Variants in TSHR observed in about 807,000 individuals in gnomAD.
The protein encoded by TSHR is thyrotropin receptor.
A neutral mutation model predicts 64.1 loss-of-function variants in TSHR; 51 were observed. That is an observed-to-expected ratio of 0.80 (90% CI 0.64 to 1.01). The LOEUF (loss-of-function observed/expected upper bound fraction) is 1.01, where lower values mean the gene tolerates loss of function less well. TSHR is among the 50% of genes least tolerant of loss of function. The pLI is 0.00. For missense variants in TSHR, 877 were observed against 942.8 expected, an observed-to-expected ratio of 0.93 and a Z score of 0.91; for synonymous variants, 361 against 361.9, an observed-to-expected ratio of 1.00 and a Z score of 0.03.
intron 1 of TSHR, among the ~76,000 whole-genome samples, chr14:81,039,375 C>T (rs1193535626): frequency 6.6e-6 from 1 of 151,884 alleles, no homozygotes; most frequent in African/African-American, 2.4e-5. Context: ...AATTCCACAG[C>T]TAACATCATA....
In TSHR at chr14:81,144,784, T is replaced by C. The variant is rs17630128; in HGVS notation, c.*431T>C. ...ACCACAAGATAAAATCAGTCCCACG[T>C]TGGCTCAGTTCAACTAGATGTTCCC... On this transcript the variant is annotated 3_prime_UTR_variant, in exon 10 of 10. Transcript: ENST00000298171. The C allele has an allele frequency of 0.27, 68,654 of 251,726 alleles. 9,657 individuals carry two copies. The highest frequency in any genetic ancestry group is 0.34 in the South Asian group (2,594 of 7,608). The allele number at this position is 251,726 out of a possible 1,614,324, so 15.6% of individuals were successfully genotyped here.
At chr14:80,972,699 T>C (rs1887642981) in intron 1 of TSHR, among the ~76,000 whole-genome samples, 1 of 152,200 alleles carries the variant, frequency 6.6e-6, no homozygotes, top group South Asian at 2.1e-4. Flanking sequence ...AGCCAGCACC[T>C]GTATCTAGTT....
chr14:81,094,805 G>C (rs965642826), intron 6 of TSHR, among the ~76,000 whole-genome samples: 5 of 146,042 alleles, frequency 3.4e-5, no homozygotes, highest in African/African-American at 1.3e-4. Flanking sequence ...TCCTGCCTCA[G>C]CCTCCCGAAT....
At chr14:81,025,400 G>A (rs1414616188) in intron 1 of TSHR, among the ~76,000 whole-genome samples, 8 of 151,932 alleles carry the variant, frequency 5.3e-5, no homozygotes. Flanking sequence ...GCAGTTCAAA[G>A]ATAGACTTGA....
chr14:81,020,126 T>C (rs1883665252), intron 1 of TSHR, among the ~76,000 whole-genome samples: 1 of 152,226 alleles, frequency 6.6e-6, no homozygotes, highest in South Asian at 2.1e-4. Context: ...TGTCTCTGTC[T>C]GTGTGTGTTA....
At chr14:80,995,779 C>T (rs1037065252) in intron 1 of TSHR, 5 of 149,766 alleles carry the variant, frequency 3.3e-5, no homozygotes, top group African/African-American at 1.2e-4. Context: ...ACTCCCATGA[C>T]ACAAGTTTAC....
intron 1 of TSHR, among the ~76,000 whole-genome samples, chr14:80,985,764 C>G (rs535527874): frequency 4.6e-5 from 7 of 152,282 alleles, no homozygotes; most frequent in Admixed American, 2.0e-4. Flanking sequence ...TTGTAAACAT[C>G]TTTGCATGTC....
Position 81,019,518 on chromosome 14 carries a change from G to C in TSHR, c.171-42630G>C, listed in dbSNP as rs556098417. On this transcript the variant is annotated intron_variant, in intron 1 of 9. Coordinates refer to ENST00000298171, the MANE Select transcript of TSHR (RefSeq NM_000369.5). ...GTACATGTGCAGAATGTGGAGGTTT[G>C]TTACATAGGTATACATGTGCCATGG... Among the ~76,000 whole-genome samples, 6 of 126,992 alleles carry C rather than the reference G, an allele frequency of 4.7e-5. No homozygotes were observed. In the East Asian group the frequency reaches 1.5e-3, roughly 31 times the overall value. 83.3% of individuals were successfully genotyped at this position (126,992 alleles called of 152,430 possible). A position where few individuals can be genotyped will look rare whatever the true frequency, so the allele number is the denominator to read the frequency against.
intron 1 of TSHR, among the ~76,000 whole-genome samples, chr14:80,965,255 A>G (rs1422862816): frequency 1.3e-5 from 2 of 152,142 alleles, no homozygotes; most frequent in Non-Finnish European, 2.9e-5. Context: ...TGGAGGACGC[A>G]CTTTTGTCAG....
intron 1 of TSHR, among the ~76,000 whole-genome samples, chr14:80,964,621 G>T (rs1887200678): frequency 1.3e-5 from 2 of 152,168 alleles, no homozygotes; most frequent in African/African-American, 2.4e-5. Context: ...ATCTGTGGTT[G>T]TGTGAAAATT....
intron 1 of TSHR, chr14:81,032,425 C>T (rs1323361961): frequency 1.1e-5 from 3 of 267,730 alleles, no homozygotes; most frequent in Non-Finnish European, 2.2e-5. Context: ...TGGTTCCAAT[C>T]GCCTACCTTG....
chr14:81,061,292 A>G (rs189144663), intron 1 of TSHR, among the ~76,000 whole-genome samples: 4 of 152,278 alleles, frequency 2.6e-5, no homozygotes. Context: ...AGTACATGCT[A>G]TAAATTCAGT....
chr14:81,086,849 T>C (rs980924881), intron 3 of TSHR, among the ~76,000 whole-genome samples: 2 of 152,238 alleles, frequency 1.3e-5, no homozygotes, highest in Non-Finnish European at 2.9e-5. Flanking sequence ...TATGATTCCA[T>C]TTATATGAAA....
chr14:81,126,907 C>G (rs576449720), intron 8 of TSHR, among the ~76,000 whole-genome samples: 146 of 152,370 alleles, frequency 9.6e-4, no homozygotes, highest in African/African-American at 3.4e-3. Context: ...TCCACACACT[C>G]TTCTCAATTT....
chr14:81,043,141 C>A (rs1348121895), intron 1 of TSHR, among the ~76,000 whole-genome samples: 2 of 152,106 alleles, frequency 1.3e-5, no homozygotes, highest in African/African-American at 4.8e-5. Context: ...GAGAAGAAGT[C>A]AAATTATCTT....
chr14:81,124,745 C>T (rs1258617607), intron 8 of TSHR, among the ~76,000 whole-genome samples: 3 of 152,018 alleles, frequency 2.0e-5, no homozygotes, highest in Admixed American at 1.3e-4. Context: ...ATGGGTCTCT[C>T]ATTGTGGTTT....
At chr14:80,978,166 C>T (rs1428413555) in intron 1 of TSHR, among the ~76,000 whole-genome samples, 3 of 151,842 alleles carry the variant, frequency 2.0e-5, no homozygotes, top group Admixed American at 1.3e-4. Flanking sequence ...GAACATTGCA[C>T]AGGCCAGGAA....
Position 81,139,011 on chromosome 14 carries a change from C to A in TSHR, c.693-668C>A, listed in dbSNP as rs1891570902. Among the ~76,000 whole-genome samples the A allele has an allele frequency of 2.0e-5, 3 of 152,128 alleles. No homozygotes were observed. In the South Asian group the frequency reaches 6.2e-4, roughly 32 times the overall value. Reference sequence around the variant, plus strand: ...GATGTCTACATGTTCCCAGCCTGACCACCACCCCCCTCACCCCATTGTTCT... The same window carrying A: ...GATGTCTACATGTTCCCAGCCTGACAACCACCCCCCTCACCCCATTGTTCT... On this transcript the variant is annotated intron_variant, in intron 8 of 9. Coordinates refer to ENST00000298171, the MANE Select transcript of TSHR (RefSeq NM_000369.5).
intron 1 of TSHR, chr14:81,032,659 T>C (rs1057131600): frequency 1.7e-5 from 7 of 417,944 alleles, no homozygotes; most frequent in African/African-American, 1.1e-4. Context: ...TAGAGAGTTG[T>C]CGAAGGCATA....
Sources: allele counts gnomAD v4.1 joint callset (sites outside exome capture counted in the v4.1 genomes callset), GRCh38; gene constraint gnomAD v4.1.1; transcripts MANE v1.5; gene names NCBI Gene and HGNC (gene_info 2026-07-23, HGNC 2026-07-21).